Variants in MPHOSPH8 observed in about 807,000 individuals in gnomAD.
MPHOSPH8 encodes M-phase phosphoprotein 8, also known as M-phase phosphoprotein, mpp.
A neutral mutation model predicts 87.3 loss-of-function variants in MPHOSPH8; 45 were observed. The observed-to-expected ratio is 0.52, with a 90% CI of 0.41 to 0.66. The LOEUF is 0.66. Among genes scored for constraint, MPHOSPH8 ranks in the 30% least tolerant of loss-of-function variants. MPHOSPH8 has a pLI of 0.00. For synonymous variants in MPHOSPH8, 366 were observed against 376.9 expected (o/e 0.97, Z 0.33); for missense variants, 883 against 1,020.2 (o/e 0.87, Z 1.83).
Position 19,659,259 on chromosome 13 carries a change from T to G in MPHOSPH8, c.1761T>G (p.Asn587Lys). The G allele has an allele frequency of 6.2e-7, 1 of 1,611,930 alleles. No homozygotes were observed. Among genetic ancestry groups the G allele is most frequent in the South Asian group, 1.1e-5 (1 of 90,978 alleles). The change falls in exon 7 of 14, where the codon AAT becomes AAG. Residue 587 changes from asparagine to lysine, a missense_variant. Asn to Lys is a moderately conservative substitution (Grantham distance 94). Transcript: ENST00000361479. ...GDYITVKVAL[N>K]SNEEYNLDQE... is the part of the protein sequence containing the mutation. Reference sequence around the variant, plus strand: ...ATATTACTGTAAAAGTTGCACTTAATTCAAATGAAGAATATAACCTGGACC... The same window carrying G: ...ATATTACTGTAAAAGTTGCACTTAAGTCAAATGAAGAATATAACCTGGACC...
intron 12 of MPHOSPH8, 21 bp downstream of exon 12, chr13:19,670,384 C>CT (rs1375912143): frequency 1.6e-5 from 25 of 1,609,258 alleles, no homozygotes; most frequent in Non-Finnish European, 2.1e-5. Flanking sequence ...CTGTATTTCA[C>CT]TACTGAAAAG....
intron 1 of MPHOSPH8, among the ~76,000 whole-genome samples, chr13:19,635,365 A>G (rs1036792669): frequency 3.9e-5 from 6 of 152,042 alleles, no homozygotes; most frequent in Admixed American, 2.0e-4. Flanking sequence ...CTAAAACACA[A>G]AAAAATACAA....
At chr13:19,659,412 C>A in intron 7 of MPHOSPH8, 123 bp downstream of exon 7, 1 of 798,284 alleles carries the variant, frequency 1.3e-6, no homozygotes, top group Non-Finnish European at 2.0e-6. Flanking sequence ...ACCTGTAATC[C>A]CAGCACTTTG....
At chr13:19,645,737 T>G (rs1874529574) in intron 2 of MPHOSPH8, among the ~76,000 whole-genome samples, 1 of 144,102 alleles carries the variant, frequency 6.9e-6, no homozygotes. Flanking sequence ...AGAATGAGAC[T>G]CTGTCTCAAA....
chr13:19,648,021 G>T (rs969437058), intron 3 of MPHOSPH8, among the ~76,000 whole-genome samples: 23 of 152,116 alleles, frequency 1.5e-4, no homozygotes, highest in Non-Finnish European at 5.9e-5. Context: ...GTAAAAATAT[G>T]TGTGTAATGT....
chr13:19,671,839 G>A lies in MPHOSPH8; in HGVS notation c.2547G>A (p.Lys849=), dbSNP rs780227853. 6.2e-6 allele frequency: 10 copies of A among 1,614,092 alleles called. No individual in the cohort carries two copies. In the Admixed American group the frequency reaches 8.3e-5, roughly 13 times the overall value. The part of the protein sequence containing the change: ...RLTEAPSAKV[K]LLIGAYRVQL... ...GCGTTCTTTTCTTTCAACAGGTTAAGTTGCTAATAGGTGCATACAGAGTGC... is the reference window on the plus strand; with the variant it reads ...GCGTTCTTTTCTTTCAACAGGTTAAATTGCTAATAGGTGCATACAGAGTGC... The change falls in exon 14 of 14, where the codon AAG becomes AAA. Residue 849 remains lysine, a synonymous_variant. Transcript: ENST00000361479.
intron 12 of MPHOSPH8, 75 bp from the exon 13 acceptor site, chr13:19,671,131 T>C (rs1876104049): frequency 6.4e-7 from 1 of 1,552,760 alleles, no homozygotes; most frequent in South Asian, 1.2e-5. Flanking sequence ...TATGATTCTT[T>C]TACATCATTG....
chr13:19,656,057 C>T (rs1335883194), intron 5 of MPHOSPH8, among the ~76,000 whole-genome samples: 1 of 151,926 alleles, frequency 6.6e-6, no homozygotes, highest in Non-Finnish European at 1.5e-5. Flanking sequence ...GACGAGATCG[C>T]GCCATTGTAC....
At chr13:19,641,694 C>T (rs758675761) in intron 1 of MPHOSPH8, among the ~76,000 whole-genome samples, 1 of 152,012 alleles carries the variant, frequency 6.6e-6, no homozygotes, top group African/African-American at 2.4e-5. Context: ...AAAGGTTTCA[C>T]CATGTTGGCC....
At chr13:19,668,307 T>A (rs1875928271) in intron 10 of MPHOSPH8, 70 bp from the exon 11 acceptor site, 5 of 1,427,862 alleles carry the variant, frequency 3.5e-6, no homozygotes, top group Non-Finnish European at 4.8e-6. Context: ...TGGGAAGCCC[T>A]CACTGGTATT....
chr13:19,670,209 T>G, intron 11 of MPHOSPH8, 27 bp from the exon 12 acceptor site: 1 of 1,613,690 alleles, frequency 6.2e-7, no homozygotes, highest in Non-Finnish European at 8.5e-7. Context: ...GCCTTTGAAG[T>G]AATTCACACA....
At chr13:19,652,329 C>T (rs534224006) in intron 5 of MPHOSPH8, among the ~76,000 whole-genome samples, 29 of 152,074 alleles carry the variant, frequency 1.9e-4, no homozygotes, top group Admixed American at 7.9e-4. Context: ...TGCAGGGGGT[C>T]GGGGAACTCC....
chr13:19,663,172 G>A (rs767580837), intron 9 of MPHOSPH8, 46 bp downstream of exon 9: 7 of 1,513,150 alleles, frequency 4.6e-6, no homozygotes, highest in South Asian at 4.5e-5. Flanking sequence ...ACGTTGGCAG[G>A]TGCTCGTGTT....
At chr13:19,671,705 G>A (rs761543380) in intron 13 of MPHOSPH8, 129 bp from the exon 14 acceptor site, 147 of 771,144 alleles carry the variant, frequency 1.9e-4, no homozygotes, top group Non-Finnish European at 2.9e-4. Flanking sequence ...ATCTAACAAT[G>A]TAAATTGATA....
chr13:19,638,255 A>G (rs1874106103), intron 1 of MPHOSPH8, among the ~76,000 whole-genome samples: 1 of 152,154 alleles, frequency 6.6e-6, no homozygotes, highest in Non-Finnish European at 1.5e-5. Flanking sequence ...GAACAATAAA[A>G]CTGTATTGAT....
At chr13:19,637,828 G>A (rs1365703518) in intron 1 of MPHOSPH8, among the ~76,000 whole-genome samples, 5 of 151,980 alleles carry the variant, frequency 3.3e-5, no homozygotes, top group Non-Finnish European at 5.9e-5. Context: ...CAGGCCGGGC[G>A]CGGTGGGTCA....
chr13:19,661,063 G>T, intron 7 of MPHOSPH8: 1 of 642,148 alleles, frequency 1.6e-6, no homozygotes, highest in Non-Finnish European at 1.9e-6. Context: ...TTTGAGACCA[G>T]CCTGGGCTGA....
chr13:19,667,128 C>T lies in MPHOSPH8; in HGVS notation c.2174+549C>T, dbSNP rs572878777. Among the ~76,000 whole-genome samples, 28 of 152,284 alleles carry T rather than the reference C, an allele frequency of 1.8e-4. No homozygotes were observed. The South Asian group carries it at 5.4e-3, about 29-fold the overall frequency. Reference sequence around the variant, plus strand: ...AGTGACCTGAGATCACACCACTGCACTCCAGCCTGGGCGACAGAGCAACAC... The same window carrying T: ...AGTGACCTGAGATCACACCACTGCATTCCAGCCTGGGCGACAGAGCAACAC... On this transcript the variant is annotated intron_variant, in intron 10 of 13. Transcript: ENST00000361479.
At chr13:19,658,886 A>G (rs1243821806) in intron 5 of MPHOSPH8, 109 bp from the exon 6 acceptor site, 1 of 1,348,286 alleles carries the variant, frequency 7.4e-7, no homozygotes, top group African/African-American at 1.5e-5. Flanking sequence ...GACTTGTGTT[A>G]AAAGTGTACA....
Sources: gnomAD v4.1 joint callset for allele counts (sites outside exome capture counted in the v4.1 genomes callset) on GRCh38, gnomAD v4.1.1 for gene constraint, MANE v1.5 for transcripts, NCBI Gene and HGNC (gene_info 2026-07-23, HGNC 2026-07-21) for gene names.